Variants in BICD1 observed in about 807,000 individuals in gnomAD.
The protein encoded by BICD1 is BICD cargo adaptor 1.
In BICD1, 35 loss-of-function variants were observed where a neutral mutation model predicts 92.5. The observed-to-expected ratio is 0.38, with a 90% CI of 0.29 to 0.50. The LOEUF (loss-of-function observed/expected upper bound fraction) is 0.50, where lower values mean the gene tolerates loss of function less well. Ranked by LOEUF, BICD1 falls within the 20% of genes least tolerant of loss-of-function variation. The probability of loss-of-function intolerance (pLI) is 0.93; values close to 1 mark genes in which losing one functional copy is unlikely to be tolerated. For synonymous variants in BICD1, 429 were observed against 465.1 expected (o/e 0.92, Z 1.00); for missense variants, 950 against 1,189.8 (o/e 0.80, Z 2.97).
intron 1 of BICD1, among the ~76,000 whole-genome samples, chr12:32,166,605 A>T (rs1372823847): frequency 6.6e-6 from 1 of 152,194 alleles, no homozygotes; most frequent in Non-Finnish European, 1.5e-5. Flanking sequence ...GAGTTAAAGT[A>T]AACCTGATAA....
At chr12:32,312,047 TA>T (rs932206565) in intron 4 of BICD1, among the ~76,000 whole-genome samples, 4 of 151,436 alleles carry the variant, frequency 2.6e-5, no homozygotes, top group African/African-American at 9.7e-5. Context: ...TTGGGCAAGA[TA>T]AAAAAAAATC....
At position 32,156,045 on chromosome 12, in the gene BICD1, G is replaced by A. The variant is rs116096584; in HGVS notation, c.213+48501G>A. On this transcript the variant is annotated intron_variant, in intron 1 of 9. Transcript: ENST00000652176. The stretch of plus-strand genomic sequence containing the variant: ...AGTGAGGTCTTGAAATAGCCCTGCT[G>A]TTGCTGCCCATTGAGAGATAAGTAT... Among the ~76,000 whole-genome samples the A allele has an allele frequency of 4.3e-3, 652 of 152,330 alleles. 3 individuals carry two copies. Among genetic ancestry groups the A allele is most frequent in the African/African-American group, 0.015 (618 of 41,572 alleles).
At chr12:32,266,770 A>C (rs914066783) in intron 2 of BICD1, among the ~76,000 whole-genome samples, 1 of 151,856 alleles carries the variant, frequency 6.6e-6, no homozygotes. Flanking sequence ...AGGCAGAAGA[A>C]TCACTTGAAC....
At chr12:32,213,102 CTT>C (rs1399026157) in intron 1 of BICD1, among the ~76,000 whole-genome samples, 2 of 152,252 alleles carry the variant, frequency 1.3e-5, no homozygotes, top group East Asian at 3.9e-4. Flanking sequence ...ACCTAAATAA[CTT>C]ATTTCAGTTT....
chr12:32,215,100 G>A (rs990083851), intron 1 of BICD1, among the ~76,000 whole-genome samples: 2 of 152,108 alleles, frequency 1.3e-5, no homozygotes, highest in African/African-American at 4.8e-5. Flanking sequence ...ATGGTGATGG[G>A]CGTCTGTAAT....
intron 1 of BICD1, among the ~76,000 whole-genome samples, chr12:32,134,882 T>C (rs1356754372): frequency 6.6e-6 from 1 of 152,108 alleles, no homozygotes; most frequent in Admixed American, 6.5e-5. Flanking sequence ...TTGATAAACA[T>C]TTTGATTTAG....
At chr12:32,202,499 G>A (rs1348713543) in intron 1 of BICD1, among the ~76,000 whole-genome samples, 2 of 152,146 alleles carry the variant, frequency 1.3e-5, no homozygotes, top group African/African-American at 4.8e-5. Flanking sequence ...TCATCAATAT[G>A]TATTTGCTTC....
rs1319351590 is a variant in BICD1, at chr12:32,382,420, A to G, written c.*4793A>G. 6.6e-6 allele frequency: 1 copy of G among 152,106 alleles called. No homozygotes were observed. Among genetic ancestry groups the G allele is most frequent in the Non-Finnish European group, 1.5e-5 (1 of 67,962 alleles). 9.4% of individuals were successfully genotyped at this position (152,106 alleles called of 1,614,324 possible). On this transcript the variant is annotated 3_prime_UTR_variant, in exon 10 of 10. Coordinates refer to ENST00000652176, the MANE Select transcript of BICD1 (RefSeq NM_001714.4). ...TTTCACATCATGTAAGCTTTCCCAT[A>G]TTCATAAGATGAACACTATAGAAGT... is the stretch of plus-strand genomic sequence containing the variant.
At chr12:32,130,001 A>C (rs1228581681) in intron 1 of BICD1, among the ~76,000 whole-genome samples, 1 of 152,200 alleles carries the variant, frequency 6.6e-6, no homozygotes, top group African/African-American at 2.4e-5. Context: ...ATTATTCCTA[A>C]AATATAGGTA....
rs1436946036 is a variant in BICD1, at chr12:32,340,637, T to G, written c.2764+1658T>G. On this transcript the variant is annotated intron_variant, in intron 8 of 9. Coordinates refer to ENST00000652176, the MANE Select transcript of BICD1 (RefSeq NM_001714.4). ...CTGTTTTCATTTTTGTATGACTGGTTTTTGTTTACATGAATATATACTTTA... is the reference window on the plus strand; with the variant it reads ...CTGTTTTCATTTTTGTATGACTGGTGTTTGTTTACATGAATATATACTTTA... 1.1e-5 allele frequency: 6 copies of G among 548,174 alleles called. No homozygotes were observed. In the African/African-American group the frequency reaches 1.2e-4, roughly 11 times the overall value. 34.0% of individuals were successfully genotyped at this position (548,174 alleles called of 1,614,324 possible).
At chr12:32,290,035 A>T in intron 2 of BICD1, among the ~76,000 whole-genome samples, 1 of 152,210 alleles carries the variant, frequency 6.6e-6, no homozygotes, top group Non-Finnish European at 1.5e-5. Context: ...GCATAGGTGA[A>T]TTACTAAAGT....
At chr12:32,133,160 C>A (rs1942613595) in intron 1 of BICD1, among the ~76,000 whole-genome samples, 1 of 151,912 alleles carries the variant, frequency 6.6e-6, no homozygotes, top group South Asian at 2.1e-4. Context: ...TTGTGGATAC[C>A]AATATTGATA....
chr12:32,370,221 G>T (rs969934702), intron 9 of BICD1, among the ~76,000 whole-genome samples: 2 of 152,052 alleles, frequency 1.3e-5, no homozygotes, highest in Non-Finnish European at 2.9e-5. Context: ...ACAAAAATTA[G>T]CTGGGCATGG....
At chr12:32,214,673 A>G (rs1322190950) in intron 1 of BICD1, among the ~76,000 whole-genome samples, 1 of 152,216 alleles carries the variant, frequency 6.6e-6, no homozygotes, top group Non-Finnish European at 1.5e-5. Context: ...AAGTTTACCA[A>G]CAAGACTATA....
At chr12:32,300,631 ATTTTTTTTTT>A (rs34219566) in intron 3 of BICD1, among the ~76,000 whole-genome samples, 24,001 of 81,442 alleles carry the variant, frequency 0.29, 2,867 homozygotes, top group African/African-American at 0.44. Context: ...ACTTTACAGT[ATTTTTTTTTT>A]TTTTTTTTTT....
chr12:32,286,881 T>C (rs1239403), intron 2 of BICD1, among the ~76,000 whole-genome samples: 50,184 of 152,076 alleles, frequency 0.33, 8,943 homozygotes, highest in Non-Finnish European at 0.41. Flanking sequence ...AAATATAAAA[T>C]GTATAAAAAG....
At position 32,359,700 on chromosome 12, in the gene BICD1, A is replaced by G. The variant is rs1939249366; in HGVS notation, c.2765-7970A>G. On this transcript the variant is annotated intron_variant, in intron 8 of 9. Coordinates refer to ENST00000652176, the MANE Select transcript of BICD1 (RefSeq NM_001714.4). ...ATAGCAGTGGTATCTATTTAAATCT[A>G]TTTACTTTCAAATAGATAATAGCAG... 2.0e-5 allele frequency among the ~76,000 whole-genome samples: 3 copies of G among 152,254 alleles called. No individual in the cohort carries two copies. In the South Asian group the frequency reaches 6.2e-4, roughly 32 times the overall value.
chr12:32,167,084 T>C (rs2094092287), intron 1 of BICD1, among the ~76,000 whole-genome samples: 1 of 152,244 alleles, frequency 6.6e-6, no homozygotes, highest in South Asian at 2.1e-4. Context: ...TATAATAACA[T>C]AATTCACTTG....
chr12:32,216,156 A>T (rs1043745086), intron 1 of BICD1, 91 bp from the exon 2 acceptor site: 3 of 1,341,988 alleles, frequency 2.2e-6, no homozygotes, highest in African/African-American at 1.4e-5. Flanking sequence ...TTTCTTACAC[A>T]TATAAGCAGA....
Sources: allele counts gnomAD v4.1 joint callset (sites outside exome capture counted in the v4.1 genomes callset), GRCh38; gene constraint gnomAD v4.1.1; transcripts MANE v1.5; gene names NCBI Gene and HGNC (gene_info 2026-07-23, HGNC 2026-07-21).